Variants in PKIB observed in about 807,000 individuals in gnomAD.
PKIB encodes the protein cAMP-dependent protein kinase inhibitor beta.
A neutral mutation model predicts 4.5 loss-of-function variants in PKIB; 2 were observed. The observed-to-expected ratio is 0.44, with a 90% CI of 0.18 to 1.39. The LOEUF (loss-of-function observed/expected upper bound fraction) is 1.39, where lower values mean the gene tolerates loss of function less well. Ranked by LOEUF, PKIB falls within the 40% of genes most tolerant of loss-of-function variation. PKIB has a pLI of 0.27. For missense variants in PKIB, 94 were observed against 92.6 expected, an observed-to-expected ratio of 1.02 and a Z score of -0.06; for synonymous variants, 38 against 36.0, an observed-to-expected ratio of 1.06 and a Z score of -0.20.
chr6:122,526,252 A>G (rs1429590066), intron 2 of PKIB, among the ~76,000 whole-genome samples: 6 of 152,090 alleles, frequency 3.9e-5, no homozygotes, highest in Admixed American at 3.3e-4. Flanking sequence ...GCTGGAATGA[A>G]CTTTTGAAAA....
At chr6:122,503,036 T>C (rs1776290381) in intron 2 of PKIB, among the ~76,000 whole-genome samples, 1 of 152,184 alleles carries the variant, frequency 6.6e-6, no homozygotes, top group African/African-American at 2.4e-5. Flanking sequence ...CTGCTTCATA[T>C]GCGGTCTTCT....
intron 3 of PKIB, among the ~76,000 whole-genome samples, chr6:122,684,385 C>T (rs1778015445): frequency 6.6e-6 from 1 of 152,044 alleles, no homozygotes. Flanking sequence ...AGGAAAAAAA[C>T]ACTTTCCCCT....
At chr6:122,600,855 A>C (rs1263568997) in intron 3 of PKIB, among the ~76,000 whole-genome samples, 1 of 152,172 alleles carries the variant, frequency 6.6e-6, no homozygotes, top group African/African-American at 2.4e-5. Context: ...AATAGTAACA[A>C]ATTCCAAATT....
At chr6:122,511,822 A>G (rs1033900146) in intron 2 of PKIB, among the ~76,000 whole-genome samples, 3 of 152,252 alleles carry the variant, frequency 2.0e-5, no homozygotes, top group Non-Finnish European at 4.4e-5. Flanking sequence ...GTGTTCAAAC[A>G]ATGTATCTTT....
chr6:122,506,730 C>T (rs1419368340), intron 2 of PKIB, among the ~76,000 whole-genome samples: 11 of 133,348 alleles, frequency 8.2e-5, no homozygotes, highest in Non-Finnish European at 1.1e-4. Context: ...GACGGAGTCT[C>T]GCTCTGTGGC....
At chr6:122,515,635 T>C (rs1171032582) in intron 2 of PKIB, among the ~76,000 whole-genome samples, 2 of 152,190 alleles carry the variant, frequency 1.3e-5, no homozygotes, top group Admixed American at 6.5e-5. Context: ...CTCTATAGTT[T>C]GTTCATTTAG....
intron 3 of PKIB, among the ~76,000 whole-genome samples, chr6:122,602,955 CA>C (rs71021410): frequency 0.12 from 9,332 of 74,754 alleles, 192 homozygotes; most frequent in East Asian, 0.18. Flanking sequence ...GACTGCGTCT[CA>C]AAAAAAAAAA....
At chr6:122,680,657 C>T (rs928606082) in intron 3 of PKIB, among the ~76,000 whole-genome samples, 1 of 152,100 alleles carries the variant, frequency 6.6e-6, no homozygotes, top group Non-Finnish European at 1.5e-5. Flanking sequence ...CAAAGAAAAA[C>T]TTTTGCTTCT....
In PKIB at chr6:122,514,863, G is replaced by A. The variant is rs139424451; in HGVS notation, c.-248+36924G>A. Among the ~76,000 whole-genome samples the A allele has an allele frequency of 4.3e-4, 66 of 152,302 alleles. No homozygotes were observed. The East Asian group carries it at 7.7e-3, about 18-fold the overall frequency. On this transcript the variant is annotated intron_variant, in intron 2 of 6. Coordinates refer to the PKIB transcript ENST00000392491. ...TATATGTAAGCCCCAGGGGTGAGAG[G>A]AAAAGGGAACTCCCTCACTGGAGTG... is the stretch of plus-strand genomic sequence containing the variant.
intron 1 of PKIB, among the ~76,000 whole-genome samples, chr6:122,615,197 A>G (rs957311738): frequency 2.1e-5 from 3 of 141,116 alleles, no homozygotes; most frequent in South Asian, 2.4e-4. Context: ...TAGTGAAAAG[A>G]AAAAAAAAAT....
At chr6:122,644,473 T>G (rs1776236194) in intron 2 of PKIB, 1 of 152,208 alleles carries the variant, frequency 6.6e-6, no homozygotes, top group South Asian at 2.1e-4. Context: ...CATTTATTAT[T>G]AGCTGTGTGA....
At chr6:122,526,071 T>TA (rs1200535059) in intron 2 of PKIB, among the ~76,000 whole-genome samples, 1 of 152,228 alleles carries the variant, frequency 6.6e-6, no homozygotes, top group Non-Finnish European at 1.5e-5. Context: ...AACTACTTTT[T>TA]ATGCTCATTC....
chr6:122,528,635 T>C (rs1158752972), intron 2 of PKIB, among the ~76,000 whole-genome samples: 2 of 152,196 alleles, frequency 1.3e-5, no homozygotes, highest in Non-Finnish European at 2.9e-5. Flanking sequence ...CTCATGCCTA[T>C]AATCCTAGCA....
chr6:122,570,020 C>T (rs1451367584), intron 2 of PKIB, among the ~76,000 whole-genome samples: 3 of 152,180 alleles, frequency 2.0e-5, no homozygotes, highest in Non-Finnish European at 4.4e-5. Context: ...CACAGGAATG[C>T]AACATGGATG....
chr6:122,497,792 TAGAC>T (rs1270843565), intron 2 of PKIB, among the ~76,000 whole-genome samples: 1 of 152,140 alleles, frequency 6.6e-6, no homozygotes, highest in Non-Finnish European at 1.5e-5. Context: ...CTGATGGCAT[TAGAC>T]AGATCATAGA....
intron 3 of PKIB, among the ~76,000 whole-genome samples, chr6:122,594,264 G>C (rs1774103651): frequency 6.6e-6 from 1 of 151,086 alleles, no homozygotes; most frequent in Non-Finnish European, 1.5e-5. Flanking sequence ...CTGGAGTGCA[G>C]TGGTGCGATC....
chr6:122,512,138 G>T (rs992110789), intron 2 of PKIB, among the ~76,000 whole-genome samples: 4 of 152,144 alleles, frequency 2.6e-5, no homozygotes, highest in African/African-American at 9.7e-5. Context: ...TAACACACCA[G>T]TACCTCAGAG....
chr6:122,676,888 A>G (rs2815594), intron 3 of PKIB, among the ~76,000 whole-genome samples: 150,225 of 152,276 alleles, frequency 0.99, 74,123 homozygotes, highest in Middle Eastern at 1. Flanking sequence ...TTGTGATTCC[A>G]GGTAAGTTGC....
At chr6:122,532,651 C>T (rs1318638262) in intron 2 of PKIB, among the ~76,000 whole-genome samples, 1 of 152,114 alleles carries the variant, frequency 6.6e-6, no homozygotes, top group African/African-American at 2.4e-5. Flanking sequence ...ATTTTGCCTA[C>T]CATAATGTTT....
Sources: gnomAD v4.1 joint callset for allele counts (sites outside exome capture counted in the v4.1 genomes callset) on GRCh38, gnomAD v4.1.1 for gene constraint, MANE v1.5 for transcripts, NCBI Gene and HGNC (gene_info 2026-07-23, HGNC 2026-07-21) for gene names.